Variants in CACNA2D3 observed in about 807,000 individuals in gnomAD.
CACNA2D3 encodes voltage-dependent calcium channel subunit alpha-2/delta-3.
In CACNA2D3, 60 loss-of-function variants were observed where a neutral mutation model predicts 160.6. The ratio of observed to expected loss-of-function variants is 0.37; its 90% CI spans 0.30 to 0.46. The LOEUF (loss-of-function observed/expected upper bound fraction) is 0.46, where lower values mean the gene tolerates loss of function less well. Among genes scored for constraint, CACNA2D3 ranks in the 20% least tolerant of loss-of-function variants. The pLI is 1.00. For synonymous variants in CACNA2D3, 558 were observed against 492.9 expected (o/e 1.13, Z -1.75); for missense variants, 1,205 against 1,365.0 (o/e 0.88, Z 1.85).
intron 2 of CACNA2D3, among the ~76,000 whole-genome samples, chr3:54,167,373 G>A (rs1700479225): frequency 6.6e-6 from 1 of 152,148 alleles, no homozygotes; most frequent in African/African-American, 2.4e-5. Flanking sequence ...TGCCTCCCCA[G>A]CCTTCTGCTT....
At chr3:54,152,924 T>C (rs2107285358) in intron 2 of CACNA2D3, among the ~76,000 whole-genome samples, 1 of 152,320 alleles carries the variant, frequency 6.6e-6, no homozygotes, top group East Asian at 1.9e-4. Context: ...GAGCTTTCTC[T>C]AAGTTGGATG....
At position 54,470,186 on chromosome 3, in the gene CACNA2D3, G is replaced by A. The variant is rs530449849; in HGVS notation, c.382-33306G>A. ...ATGTTAAGGGCAGCCAGAGAGAAAG[G>A]TTGGGTTACCCACAAAAGGAAGCCC... On this transcript the variant is annotated intron_variant, in intron 4 of 37. Coordinates refer to ENST00000474759, the MANE Select transcript of CACNA2D3 (RefSeq NM_018398.3). Among the ~76,000 whole-genome samples, 20 of 152,326 alleles carry A rather than the reference G, an allele frequency of 1.3e-4. 1 individual carries two copies. In the South Asian group the frequency reaches 3.9e-3, roughly 30 times the overall value.
chr3:54,296,767 T>C (rs973982784), intron 2 of CACNA2D3, among the ~76,000 whole-genome samples: 1 of 152,214 alleles, frequency 6.6e-6, no homozygotes, highest in African/African-American at 2.4e-5. Flanking sequence ...CTCTTGTTTT[T>C]AGCTAAAAAG....
intron 2 of CACNA2D3, among the ~76,000 whole-genome samples, chr3:54,149,879 A>G (rs112257120): frequency 0.044 from 3,986 of 89,718 alleles, 489 homozygotes; most frequent in Middle Eastern, 0.13. Context: ...GTCCTGAAGT[A>G]TCTGTCTCTC....
intron 2 of CACNA2D3, among the ~76,000 whole-genome samples, chr3:54,310,322 G>A (rs560242486): frequency 6.6e-6 from 1 of 152,240 alleles, no homozygotes; most frequent in Non-Finnish European, 1.5e-5. Context: ...TTGGAGTATT[G>A]TGTTTTGAAG....
At chr3:54,670,732 A>C (rs1700145102) in intron 11 of CACNA2D3, among the ~76,000 whole-genome samples, 1 of 152,158 alleles carries the variant, frequency 6.6e-6, no homozygotes, top group South Asian at 2.1e-4. Context: ...TTTAATTTTC[A>C]GACCTGTTTG....
At chr3:54,736,269 T>A (rs1374858222) in intron 11 of CACNA2D3, among the ~76,000 whole-genome samples, 1 of 151,262 alleles carries the variant, frequency 6.6e-6, no homozygotes, top group Non-Finnish European at 1.5e-5. Context: ...TTGCCATTAT[T>A]TGTGATGGCT....
chr3:55,014,937 A>G (rs973386230), intron 34 of CACNA2D3, among the ~76,000 whole-genome samples: 1 of 152,226 alleles, frequency 6.6e-6, no homozygotes, highest in African/African-American at 2.4e-5. Flanking sequence ...CCAAAAGCAC[A>G]TCAAGCAATT....
At chr3:54,285,723 G>C (rs1703001854) in intron 2 of CACNA2D3, among the ~76,000 whole-genome samples, 1 of 152,174 alleles carries the variant, frequency 6.6e-6, no homozygotes, top group Non-Finnish European at 1.5e-5. Context: ...GAACTCCTCT[G>C]AGACAAAACT....
chr3:54,931,756 A>G (rs1254995162), intron 27 of CACNA2D3, among the ~76,000 whole-genome samples: 1 of 152,212 alleles, frequency 6.6e-6, no homozygotes, highest in Non-Finnish European at 1.5e-5. Context: ...GTTTTCTAAT[A>G]TGTTAGTCTA....
intron 27 of CACNA2D3, among the ~76,000 whole-genome samples, chr3:54,937,504 A>G (rs1701359963): frequency 6.6e-6 from 1 of 152,174 alleles, no homozygotes; most frequent in African/African-American, 2.4e-5. Flanking sequence ...GTATTTTCCA[A>G]TCTGTGTATT....
intron 11 of CACNA2D3, among the ~76,000 whole-genome samples, chr3:54,750,626 A>C (rs1332810522): frequency 6.6e-6 from 1 of 152,182 alleles, no homozygotes; most frequent in Non-Finnish European, 1.5e-5. Flanking sequence ...AATGAAGCAA[A>C]ACACTTAACT....
chr3:54,386,847 A>T, intron 4 of CACNA2D3, 73 bp downstream of exon 4: 1 of 1,347,290 alleles, frequency 7.4e-7, no homozygotes, highest in Non-Finnish European at 1.0e-6. Flanking sequence ...GTATACCAGG[A>T]ATACTGATTT....
intron 2 of CACNA2D3, among the ~76,000 whole-genome samples, chr3:54,278,484 G>C (rs1453379773): frequency 1.3e-5 from 2 of 152,162 alleles, no homozygotes; most frequent in Non-Finnish European, 2.9e-5. Flanking sequence ...TCCCATTACT[G>C]GGTGTATACC....
At chr3:54,141,959 C>T (rs1699944875) in intron 2 of CACNA2D3, among the ~76,000 whole-genome samples, 2 of 152,192 alleles carry the variant, frequency 1.3e-5, no homozygotes, top group Admixed American at 1.3e-4. Flanking sequence ...ATGTGAGAAT[C>T]AGGCATATCT....
At chr3:54,739,787 GT>G (rs1701609891) in intron 11 of CACNA2D3, among the ~76,000 whole-genome samples, 1 of 88,064 alleles carries the variant, frequency 1.1e-5, no homozygotes, top group Non-Finnish European at 2.7e-5. Context: ...GTGTGTGTGT[GT>G]GTGTGTGGAA....
intron 11 of CACNA2D3, among the ~76,000 whole-genome samples, chr3:54,689,545 A>T (rs765207210): frequency 6.6e-6 from 1 of 151,992 alleles, no homozygotes; most frequent in East Asian, 1.9e-4. Flanking sequence ...CAGCTCCTCA[A>T]CTACCTCCCC....
chr3:54,943,119 T>C (rs891055949), intron 27 of CACNA2D3, among the ~76,000 whole-genome samples: 2 of 151,750 alleles, frequency 1.3e-5, no homozygotes, highest in African/African-American at 4.8e-5. Flanking sequence ...AGAGGATCAC[T>C]TGAACCCAGG....
chr3:54,384,457 A>G (rs1379174490), intron 3 of CACNA2D3, among the ~76,000 whole-genome samples: 10 of 152,176 alleles, frequency 6.6e-5, no homozygotes, highest in Admixed American at 6.5e-4. Flanking sequence ...CTTTTTATAT[A>G]TCACTGCCTG....
Sources: allele counts gnomAD v4.1 joint callset (sites outside exome capture counted in the v4.1 genomes callset), GRCh38; gene constraint gnomAD v4.1.1; transcripts MANE v1.5; gene names NCBI Gene and HGNC (gene_info 2026-07-23, HGNC 2026-07-21).